The following LIN7A variants were observed in gnomAD, a reference collection of about 807,000 sequenced individuals.
The protein encoded by LIN7A is protein lin-7 homolog A.
Under a neutral mutation model 29.8 loss-of-function variants are expected in LIN7A, and 25 were observed. The observed-to-expected ratio is 0.84, with a 90% confidence interval of 0.61 to 1.17. The LOEUF is 1.17. LIN7A is among the 50% of genes most tolerant of loss of function. The pLI is 0.00. For missense variants in LIN7A, 239 were observed against 287.0 expected, an observed-to-expected ratio of 0.83 and a Z score of 1.21; for synonymous variants, 118 against 107.5, an observed-to-expected ratio of 1.10 and a Z score of -0.60.
At chr12:80,931,823 C>T (rs565062579) in intron 1 of LIN7A, among the ~76,000 whole-genome samples, 3 of 152,100 alleles carry the variant, frequency 2.0e-5, no homozygotes, top group Admixed American at 6.5e-5. Flanking sequence ...AAAACACATG[C>T]GGCTGCTGCT....
chr12:80,898,517 C>A (rs1267755812), intron 1 of LIN7A, among the ~76,000 whole-genome samples: 1 of 150,396 alleles, frequency 6.6e-6, no homozygotes, highest in African/African-American at 2.4e-5. Flanking sequence ...TTTTCTAATT[C>A]TGTGAAGAAT....
intron 2 of LIN7A, among the ~76,000 whole-genome samples, chr12:80,870,975 G>T (rs1044902921): frequency 3.9e-5 from 6 of 152,248 alleles, no homozygotes; most frequent in Non-Finnish European, 7.4e-5. Flanking sequence ...TCAGGGAAAG[G>T]TCAATGCAAA....
chr12:80,926,527 T>C (rs1877589613), intron 1 of LIN7A, among the ~76,000 whole-genome samples: 1 of 152,194 alleles, frequency 6.6e-6, no homozygotes, highest in Admixed American at 6.5e-5. Context: ...TAGTTGACAA[T>C]CAATCTGGAA....
intron 1 of LIN7A, among the ~76,000 whole-genome samples, chr12:80,934,511 G>C (rs533712164): frequency 1.1e-4 from 16 of 152,308 alleles, no homozygotes; most frequent in Admixed American, 7.2e-4. Context: ...GCAGACCCAG[G>C]AAGCTAGGTG....
intron 5 of LIN7A, among the ~76,000 whole-genome samples, chr12:80,806,491 A>G (rs1448422731): frequency 6.6e-6 from 1 of 152,210 alleles, no homozygotes; most frequent in Non-Finnish European, 1.5e-5. Context: ...TTCACTATTT[A>G]CCATTGCCAG....
intron 4 of LIN7A, among the ~76,000 whole-genome samples, chr12:80,822,330 G>T (rs1355823347): frequency 6.6e-6 from 1 of 152,146 alleles, no homozygotes; most frequent in Non-Finnish European, 1.5e-5. Flanking sequence ...GGCTGAGGTG[G>T]GTGGATCACC....
chr12:80,903,752 G>A (rs1042758184), intron 1 of LIN7A, among the ~76,000 whole-genome samples: 1 of 151,676 alleles, frequency 6.6e-6, no homozygotes, highest in Non-Finnish European at 1.5e-5. Context: ...TTGGTTCTTT[G>A]AGGAATCTCT....
At chr12:80,912,186 C>G (rs1876783288) in intron 1 of LIN7A, among the ~76,000 whole-genome samples, 1 of 151,880 alleles carries the variant, frequency 6.6e-6, no homozygotes, top group African/African-American at 2.4e-5. Flanking sequence ...CTGACATTTC[C>G]ATAATGGAAT....
intron 2 of LIN7A, among the ~76,000 whole-genome samples, chr12:80,858,857 T>A (rs1858807051): frequency 2.6e-5 from 4 of 152,126 alleles, no homozygotes; most frequent in African/African-American, 7.2e-5. Flanking sequence ...GGTTGTAAAA[T>A]AAGGTTTACT....
chr12:80,823,933 CA>C (rs1373020019), intron 4 of LIN7A, among the ~76,000 whole-genome samples: 1 of 152,020 alleles, frequency 6.6e-6, no homozygotes, highest in South Asian at 2.1e-4. Flanking sequence ...TGAAAGAGCA[CA>C]AATAGACAAT....
At chr12:80,844,888 T>C (rs779240744) in intron 4 of LIN7A, among the ~76,000 whole-genome samples, 10 of 152,178 alleles carry the variant, frequency 6.6e-5, no homozygotes, top group Non-Finnish European at 1.3e-4. Flanking sequence ...TTAATCAAAC[T>C]CTTTTTTGGA....
chr12:80,909,576 C>T (rs1876650616), intron 1 of LIN7A, among the ~76,000 whole-genome samples: 1 of 152,032 alleles, frequency 6.6e-6, no homozygotes, highest in South Asian at 2.1e-4. Flanking sequence ...GCATCTTTTG[C>T]TGTGTCCTCG....
At chr12:80,798,468 A>G (rs949737648) in intron 5 of LIN7A, among the ~76,000 whole-genome samples, 1 of 152,186 alleles carries the variant, frequency 6.6e-6, no homozygotes, top group African/African-American at 2.4e-5. Context: ...AGATGTGCCC[A>G]ACCTCCCCTG....
intron 3 of LIN7A, among the ~76,000 whole-genome samples, chr12:80,846,270 T>C (rs1873072911): frequency 6.6e-6 from 1 of 152,234 alleles, no homozygotes; most frequent in Non-Finnish European, 1.5e-5. Context: ...TTATATGTAC[T>C]ATCTACTATT....
chr12:80,834,258 T>A (rs905492731), intron 4 of LIN7A, among the ~76,000 whole-genome samples: 1 of 152,226 alleles, frequency 6.6e-6, no homozygotes, highest in Non-Finnish European at 1.5e-5. Context: ...AAATCTTGTA[T>A]ACTACATATA....
chr12:80,832,884 C>T (rs1872435096), intron 4 of LIN7A, among the ~76,000 whole-genome samples: 1 of 151,982 alleles, frequency 6.6e-6, no homozygotes, highest in Non-Finnish European at 1.5e-5. Flanking sequence ...GGGGACAGTT[C>T]AAAAGGTCTG....
Position 80,811,669 on chromosome 12 carries a change from T to A in LIN7A, c.498A>T (p.Glu166Asp), listed in dbSNP as rs760688046. The change falls in exon 5 of 6, where the codon GAA becomes GAT. Residue 166 changes from glutamate to aspartate, a missense_variant. Coordinates refer to ENST00000552864, the MANE Select transcript of LIN7A (RefSeq NM_004664.4). ...GTAGTTCCACAGCTTTCTCATGGTG[T>A]TCTCCTTCCACACTCTGAAAATACA... is the stretch of plus-strand genomic sequence containing the variant. ...LSVNGVSVEG[E>D]HHEKAVELLK... 1 of 1,611,146 alleles carries A rather than the reference T, an allele frequency of 6.2e-7. No homozygotes were observed. Among genetic ancestry groups the A allele is most frequent in the Middle Eastern group, 1.7e-4 (1 of 6,048 alleles).
chr12:80,830,625 A>T (rs1486649227), intron 4 of LIN7A, among the ~76,000 whole-genome samples: 2 of 152,218 alleles, frequency 1.3e-5, no homozygotes, highest in Non-Finnish European at 2.9e-5. Flanking sequence ...TATATTTTTT[A>T]AAAGTTGATT....
chr12:80,867,115 C>G (rs990845694), intron 2 of LIN7A, among the ~76,000 whole-genome samples: 2 of 152,100 alleles, frequency 1.3e-5, no homozygotes, highest in African/African-American at 4.8e-5. Context: ...CTGTGCCCAG[C>G]TAAGTTTCAC....
Sources: allele counts gnomAD v4.1 joint callset (sites outside exome capture counted in the v4.1 genomes callset), GRCh38; gene constraint gnomAD v4.1.1; transcripts MANE v1.5; gene names NCBI Gene and HGNC (gene_info 2026-07-23, HGNC 2026-07-21).